The following ART1 variants were observed in gnomAD, a reference collection of about 807,000 sequenced individuals.
ART1 encodes GPI-linked NAD(P)(+)--arginine ADP-ribosyltransferase 1.
In ART1, 29 loss-of-function variants were observed where a neutral mutation model predicts 27.0. That is an observed-to-expected ratio of 1.08 (90% confidence interval 0.80 to 1.47). ART1 has a LOEUF of 1.47. Among genes scored for constraint, ART1 ranks in the 40% most tolerant of loss-of-function variants. ART1 has a pLI of 0.00. For missense variants in ART1, 480 were observed against 423.0 expected (o/e 1.13, Z -1.18); for synonymous variants, 201 against 172.2 (o/e 1.17, Z -1.31).
At chr11:3,658,516 TCTC>T (rs762711689) in intron 1 of ART1, among the ~76,000 whole-genome samples, 4 of 151,998 alleles carry the variant, frequency 2.6e-5, no homozygotes, top group Non-Finnish European at 5.9e-5. Flanking sequence ...TCCTCTGTCT[TCTC>T]CTGCTCTTCT....
At chr11:3,657,724 T>G (rs2077585574) in intron 1 of ART1, among the ~76,000 whole-genome samples, 1 of 152,208 alleles carries the variant, frequency 6.6e-6, no homozygotes, top group African/African-American at 2.4e-5. Flanking sequence ...AAATAAAAAA[T>G]ATTCATATTC....
At chr11:3,660,551 C>T (rs2077613146) in intron 3 of ART1, among the ~76,000 whole-genome samples, 188 bp downstream of exon 3, 1 of 152,194 alleles carries the variant, frequency 6.6e-6, no homozygotes, top group South Asian at 2.1e-4. Context: ...ACTTACTGCC[C>T]CTGAAGGGAT....
intron 1 of ART1, among the ~76,000 whole-genome samples, chr11:3,651,830 C>T (rs1263566792): frequency 6.6e-6 from 1 of 151,320 alleles, no homozygotes; most frequent in Admixed American, 6.6e-5. Flanking sequence ...ACCCCCATGA[C>T]TGTATGTCTC....
intron 4 of ART1, among the ~76,000 whole-genome samples, chr11:3,663,094 C>CTCATCTCA (rs1554883247): frequency 0.016 from 1,508 of 93,930 alleles, 9 homozygotes; most frequent in South Asian, 0.029. Flanking sequence ...ATCTCATCAT[C>CTCATCTCA]TCATCTCATC....
intron 1 of ART1, among the ~76,000 whole-genome samples, chr11:3,657,459 C>A (rs184723057): frequency 3.3e-5 from 5 of 152,122 alleles, no homozygotes; most frequent in African/African-American, 1.2e-4. Flanking sequence ...CCTGTACTCC[C>A]AGCTACTCGG....
rs556606971 is a variant in ART1 at position 3,651,475 on chromosome 11, G to T, written c.-53+6296G>T. 1.4e-5 allele frequency among the ~76,000 whole-genome samples: 2 copies of T among 139,564 alleles called. 1 individual carries two copies. The highest frequency in any genetic ancestry group is 3.0e-5 in the Non-Finnish European group (2 of 66,648). 91.6% of individuals were successfully genotyped at this position (139,564 alleles called of 152,430 possible). A position where few individuals can be genotyped will look rare whatever the true frequency, so the allele number is the denominator to read the frequency against. On this transcript the variant is annotated intron_variant, in intron 1 of 4. Coordinates refer to ENST00000250693, the MANE Select transcript of ART1 (RefSeq NM_004314.3). ...AACAACTCCTTTCCTTCCTAGTCAT[G>T]GTTAGTGCAGTCAGAATTCTTACAC...
At chr11:3,661,297 C>A in intron 3 of ART1, 75 bp from the exon 4 acceptor site, 3 of 1,370,602 alleles carry the variant, frequency 2.2e-6, no homozygotes, top group Non-Finnish European at 3.0e-6. Flanking sequence ...CAGGGATGGA[C>A]TACCAGGGCT....
chr11:3,654,885 C>T (rs971141772), intron 1 of ART1, among the ~76,000 whole-genome samples: 5 of 152,190 alleles, frequency 3.3e-5, no homozygotes, highest in Admixed American at 2.6e-4. Flanking sequence ...TCCCCTCAAG[C>T]CTCTGATGTA....
chr11:3,664,094 A>G lies in ART1; in HGVS notation c.889A>G (p.Met297Val). Residue 297 changes from methionine (M) to valine (V), a missense_variant and splice_region_variant, in exon 5 of 5, where the codon ATG becomes GTG. By Grantham distance (21) the Met-to-Val change is conservative (BLOSUM62 1). Coordinates refer to ENST00000250693, the MANE Select transcript of ART1 (RefSeq NM_004314.3). ...CTCTCTGCCTGTTTTCCCTGCAGCC[A>G]TGGGTCAGAGCCCCCTCTCTGCAGT... The part of the protein sequence containing the change: ...SGPCHLDNSA[M>V]GQSPLSAVWS... 1 of 1,613,470 alleles carries G rather than the reference A, an allele frequency of 6.2e-7. No individual in the cohort carries two copies. Among genetic ancestry groups the G allele is most frequent in the Non-Finnish European group, 8.5e-7 (1 of 1,179,948 alleles).
At chr11:3,650,953 A>T (rs2077517242) in intron 1 of ART1, among the ~76,000 whole-genome samples, 1 of 151,382 alleles carries the variant, frequency 6.6e-6, no homozygotes, top group South Asian at 2.1e-4. Context: ...ATGCTTTGAA[A>T]GGATTAAAGC....
intron 1 of ART1, among the ~76,000 whole-genome samples, chr11:3,646,144 C>A (rs1452626440): frequency 2.6e-5 from 4 of 151,708 alleles, no homozygotes; most frequent in African/African-American, 9.7e-5. Context: ...TGAGATATTT[C>A]TTCCAGTCAG....
intron 1 of ART1, among the ~76,000 whole-genome samples, chr11:3,649,831 A>G (rs2077504440): frequency 6.6e-6 from 1 of 152,152 alleles, no homozygotes; most frequent in Non-Finnish European, 1.5e-5. Context: ...TTTTCATCAA[A>G]TAAGAAAAAC....
intron 1 of ART1, among the ~76,000 whole-genome samples, chr11:3,655,037 C>T (rs929072987): frequency 5.3e-5 from 8 of 152,208 alleles, no homozygotes; most frequent in Admixed American, 1.3e-4. Context: ...CATTTACTCC[C>T]AGGCTCATGG....
chr11:3,649,117 C>T (rs1212611209), intron 1 of ART1, among the ~76,000 whole-genome samples: 7 of 152,080 alleles, frequency 4.6e-5, no homozygotes, highest in Admixed American at 1.3e-4. Context: ...CCCTTCCCTC[C>T]GTTTCTCTAC....
In ART1 at chr11:3,664,293, A is replaced by T. The variant is rs1004895617; in HGVS notation, c.*104A>T. ...CAAGATTCCTGTCAATCCCATCTGC[A>T]GGGAACTCTGGGACCTTCTCTGGTA... On this transcript the variant is annotated 3_prime_UTR_variant, in exon 5 of 5. Coordinates refer to ENST00000250693, the MANE Select transcript of ART1 (RefSeq NM_004314.3). The T allele has an allele frequency of 1.7e-6, 2 of 1,152,848 alleles. No individual in the cohort carries two copies. The highest frequency in any genetic ancestry group is 1.3e-5 in the South Asian group (1 of 74,088). 71.4% of individuals were successfully genotyped at this position (1,152,848 alleles called of 1,614,324 possible).
At chr11:3,647,037 CA>C (rs1276927250) in intron 1 of ART1, among the ~76,000 whole-genome samples, 1 of 152,060 alleles carries the variant, frequency 6.6e-6, no homozygotes, top group Non-Finnish European at 1.5e-5. Context: ...AAAATAAAAA[CA>C]GGCCAGGCAC....
intron 1 of ART1, among the ~76,000 whole-genome samples, chr11:3,645,959 A>T (rs530268969): frequency 6.6e-6 from 1 of 152,174 alleles, no homozygotes; most frequent in East Asian, 1.9e-4. Context: ...TACAGAAGCC[A>T]AGCAGGAGTG....
chr11:3,652,127 G>A (rs185716934), intron 1 of ART1, among the ~76,000 whole-genome samples: 3 of 150,070 alleles, frequency 2.0e-5, no homozygotes, highest in East Asian at 1.9e-4. Context: ...CATCAAGCTC[G>A]AGGATTTGCC....
At chr11:3,650,124 C>T (rs968981044) in intron 1 of ART1, among the ~76,000 whole-genome samples, 24 of 152,216 alleles carry the variant, frequency 1.6e-4, no homozygotes, top group Non-Finnish European at 3.1e-4. Context: ...ACACCAGCCA[C>T]ATCTCCGGCA....
Sources: allele counts gnomAD v4.1 joint callset (sites outside exome capture counted in the v4.1 genomes callset), GRCh38; gene constraint gnomAD v4.1.1; transcripts MANE v1.5; gene names NCBI Gene and HGNC (gene_info 2026-07-23, HGNC 2026-07-21).